FAM135A: variants seen among roughly 807,000 people sequenced by gnomAD.
The protein encoded by FAM135A is family with sequence similarity 135 member A.
In FAM135A, 79 loss-of-function variants were observed where a neutral mutation model predicts 146.8. The ratio of observed to expected loss-of-function variants is 0.54; its 90% CI spans 0.45 to 0.65. FAM135A has a LOEUF of 0.65. Among genes scored for constraint, FAM135A ranks in the 30% least tolerant of loss-of-function variants. The probability of loss-of-function intolerance (pLI) is 0.00; values close to 1 mark genes in which losing one functional copy is unlikely to be tolerated. For missense variants in FAM135A, 1,623 were observed against 1,758.2 expected (o/e 0.92, Z 1.38); for synonymous variants, 562 against 603.6 (o/e 0.93, Z 1.01).
chr6:70,466,409 T>C (rs1200903849), intron 5 of FAM135A, among the ~76,000 whole-genome samples: 5 of 152,134 alleles, frequency 3.3e-5, no homozygotes, highest in Non-Finnish European at 1.5e-5. Context: ...TTGAAAAAAA[T>C]TGAGTGGCAA....
Position 70,525,515 on chromosome 6 carries a change from C to A in FAM135A, c.2431C>A (p.Pro811Thr), listed in dbSNP as rs1262148063. 4 of 1,612,252 alleles carry A rather than the reference C, an allele frequency of 2.5e-6. No individual in the cohort carries two copies. The highest frequency in any genetic ancestry group is 3.3e-5 in the Admixed American group (2 of 59,774). ...ERLFPQLLMK[P>T]DYNVKFSLGN... Reference sequence around the variant, plus strand: ...ATTATTTCCTCAGCTTTTGATGAAACCTGATTATAATGTAAAATTTTCATT... The same window carrying A: ...ATTATTTCCTCAGCTTTTGATGAAAACTGATTATAATGTAAAATTTTCATT... The change falls in exon 15 of 22, where the codon CCT becomes ACT. Residue 811 changes from proline (P) to threonine (T), a missense_variant. Pro to Thr is a conservative substitution (Grantham distance 38, BLOSUM62 -1). Around this residue, in one of 7 missense-constraint regions of FAM135A, gnomAD observed 1,061 missense variants for 1,113.8 expected, o/e 0.95. Transcript: ENST00000418814.
chr6:70,433,364 G>A (rs1036682803), intron 4 of FAM135A, among the ~76,000 whole-genome samples: 8 of 152,176 alleles, frequency 5.3e-5, no homozygotes, highest in African/African-American at 1.2e-4. Context: ...ATGAGCCACC[G>A]CGCCCGGCCT....
intron 11 of FAM135A, among the ~76,000 whole-genome samples, chr6:70,501,343 C>T (rs1184697590): frequency 6.6e-6 from 1 of 152,170 alleles, no homozygotes; most frequent in African/African-American, 2.4e-5. Context: ...ACACCCCTCC[C>T]CTACCAAGCT....
intron 4 of FAM135A, among the ~76,000 whole-genome samples, chr6:70,449,148 A>G (rs1480362411): frequency 1.3e-5 from 2 of 152,186 alleles, no homozygotes; most frequent in Non-Finnish European, 1.5e-5. Context: ...ATTTTTTTTG[A>G]CAATTTAAAA....
intron 12 of FAM135A, among the ~76,000 whole-genome samples, chr6:70,517,860 C>T (rs1792650755): frequency 6.6e-6 from 1 of 152,198 alleles, no homozygotes; most frequent in Middle Eastern, 3.4e-3. Context: ...TTTGTTCTGA[C>T]TGTTTCACCA....
chr6:70,524,188 C>G (rs1349536040), intron 14 of FAM135A, 67 bp downstream of exon 14: 9 of 1,459,086 alleles, frequency 6.2e-6, no homozygotes, highest in African/African-American at 1.4e-5. Context: ...TCCTAATATA[C>G]ATAAAACCAT....
chr6:70,550,915 G>A (rs1454024637), intron 20 of FAM135A, among the ~76,000 whole-genome samples: 1 of 152,206 alleles, frequency 6.6e-6, no homozygotes, highest in Non-Finnish European at 1.5e-5. Context: ...ATCAGCACTT[G>A]CTGCCTCACC....
intron 12 of FAM135A, among the ~76,000 whole-genome samples, chr6:70,521,870 T>C (rs959328019): frequency 6.6e-6 from 1 of 152,212 alleles, no homozygotes; most frequent in Non-Finnish European, 1.5e-5. Context: ...CCAAGATACA[T>C]GTTTTGTGGG....
chr6:70,436,990 T>G (rs564853274), intron 4 of FAM135A, among the ~76,000 whole-genome samples: 7 of 152,202 alleles, frequency 4.6e-5, no homozygotes, highest in African/African-American at 1.7e-4. Context: ...TATATGAAAA[T>G]CAAAACATAA....
intron 1 of FAM135A, chr6:70,414,137 G>T: frequency 1.4e-6 from 1 of 702,808 alleles, no homozygotes; most frequent in Non-Finnish European, 1.7e-6. Flanking sequence ...TCCTTGGGAA[G>T]CAGCGTATCT....
At chr6:70,420,556 A>T (rs1191218724) in intron 2 of FAM135A, among the ~76,000 whole-genome samples, 1 of 152,126 alleles carries the variant, frequency 6.6e-6, no homozygotes, top group African/African-American at 2.4e-5. Flanking sequence ...GGAACTTTGT[A>T]TGGTTTTATG....
At chr6:70,421,592 T>A (rs539699311) in intron 2 of FAM135A, among the ~76,000 whole-genome samples, 15 of 152,330 alleles carry the variant, frequency 9.8e-5, no homozygotes, top group African/African-American at 3.6e-4. Context: ...TCACGTAAGT[T>A]TCTCACTTAG....
rs1168329482 is a variant in FAM135A at position 70,447,812 on chromosome 6, T to C, written c.78-4680T>C. On this transcript the variant is annotated intron_variant, in intron 4 of 21. Transcript: ENST00000418814. Reference sequence around the variant, plus strand: ...GACTCGCTGATTTTTTCTACATTCTTTTTTAGTATGCCCATGCTTCTCACA... The same window carrying C: ...GACTCGCTGATTTTTTCTACATTCTCTTTTAGTATGCCCATGCTTCTCACA... Among the ~76,000 whole-genome samples, 3 of 152,148 alleles carry C rather than the reference T, an allele frequency of 2.0e-5. No individual in the cohort carries two copies. In the East Asian group the frequency reaches 5.8e-4, roughly 29 times the overall value.
At chr6:70,478,964 G>T (rs1029545868) in intron 8 of FAM135A, among the ~76,000 whole-genome samples, 27 of 151,902 alleles carry the variant, frequency 1.8e-4, no homozygotes, top group African/African-American at 6.5e-4. Context: ...ATACAGTATT[G>T]CTTTTATATG....
chr6:70,438,010 C>T (rs1311839527), intron 4 of FAM135A, among the ~76,000 whole-genome samples: 1 of 151,886 alleles, frequency 6.6e-6, no homozygotes, highest in East Asian at 1.9e-4. Flanking sequence ...CTTTTTTTTA[C>T]TGTCTGATAA....
At chr6:70,468,273 G>A (rs909510672) in intron 5 of FAM135A, among the ~76,000 whole-genome samples, 3 of 152,176 alleles carry the variant, frequency 2.0e-5, no homozygotes, top group Non-Finnish European at 4.4e-5. Flanking sequence ...AAGGATATGT[G>A]TGCAATGAAC....
chr6:70,464,345 A>T (rs561345232), intron 5 of FAM135A, among the ~76,000 whole-genome samples: 2 of 152,358 alleles, frequency 1.3e-5, no homozygotes, highest in East Asian at 1.9e-4. Context: ...AGGATATTAA[A>T]TTAAGAAGTT....
intron 3 of FAM135A, among the ~76,000 whole-genome samples, chr6:70,427,127 G>A (rs1480836531): frequency 6.6e-6 from 1 of 152,140 alleles, no homozygotes; most frequent in Non-Finnish European, 1.5e-5. Context: ...AATATGTACT[G>A]TTGATAAGGA....
intron 10 of FAM135A, among the ~76,000 whole-genome samples, 169 bp downstream of exon 10, chr6:70,482,323 A>G (rs533682794): frequency 6.6e-6 from 1 of 152,152 alleles, no homozygotes; most frequent in African/African-American, 2.4e-5. Flanking sequence ...ACTTTTTGCA[A>G]TTTAAAAGTG....
Sources: allele counts gnomAD v4.1 joint callset (sites outside exome capture counted in the v4.1 genomes callset), GRCh38; gene constraint gnomAD v4.1.1; regional missense constraint gnomAD v4.1.1; transcripts MANE v1.5; gene names NCBI Gene and HGNC (gene_info 2026-07-23, HGNC 2026-07-21).